Variants in GUCA1C observed in about 807,000 individuals in gnomAD.
GUCA1C encodes guanylyl cyclase-activating protein 3.
Under a neutral mutation model 16.2 loss-of-function variants are expected in GUCA1C, and 15 were observed. The ratio of observed to expected loss-of-function variants is 0.93; its 90% CI spans 0.62 to 1.43. The LOEUF is 1.43. Among genes scored for constraint, GUCA1C ranks in the 40% most tolerant of loss-of-function variants. The probability of loss-of-function intolerance (pLI) is 0.00; values close to 1 mark genes in which losing one functional copy is unlikely to be tolerated. For synonymous variants in GUCA1C, 78 were observed against 85.4 expected, an observed-to-expected ratio of 0.91 and a Z score of 0.48; for missense variants, 275 against 244.8, an observed-to-expected ratio of 1.12 and a Z score of -0.82.
chr3:108,935,193 G>C (rs1377866319), intron 1 of GUCA1C, among the ~76,000 whole-genome samples: 1 of 152,024 alleles, frequency 6.6e-6, no homozygotes, highest in Non-Finnish European at 1.5e-5. Flanking sequence ...GGGACTACTG[G>C]TTGGGGAAGG....
chr3:108,953,706 G>C lies in GUCA1C; in HGVS notation c.57C>G (p.Thr19=), dbSNP rs754801481. 3 of 1,611,690 alleles carry C rather than the reference G, an allele frequency of 1.9e-6. No homozygotes were observed. The East Asian group carries it at 6.7e-5, about 36-fold the overall frequency. Residue 19 remains threonine, a synonymous_variant, in exon 1 of 4, where the codon ACC becomes ACG. Coordinates refer to ENST00000261047, the MANE Select transcript of GUCA1C (RefSeq NM_005459.4). ...GDQKAVPTQE[T]HVWYRTFMME... is the part of the protein sequence containing the mutation. ...TCATAAATGTTCTGTACCACACATG[G>C]GTCTCTTGTGTAGGAACTGCTTTCT...
chr3:108,944,856 A>G (rs150651576), intron 1 of GUCA1C, among the ~76,000 whole-genome samples: 1 of 152,320 alleles, frequency 6.6e-6, no homozygotes, highest in East Asian at 1.9e-4. Context: ...CTTATTCTTC[A>G]TATTTCTGTA....
chr3:108,923,243 A>G (rs1227291238), intron 1 of GUCA1C, among the ~76,000 whole-genome samples: 1 of 152,146 alleles, frequency 6.6e-6, no homozygotes, highest in Non-Finnish European at 1.5e-5. Context: ...GTCTTTGCCT[A>G]AGCCAAGGTC....
chr3:108,953,743 A>G lies in GUCA1C; in HGVS notation c.20T>C (p.Ile7Thr), dbSNP rs1303636694. The G allele has an allele frequency of 1.9e-6, 3 of 1,612,392 alleles. No homozygotes were observed. Among genetic ancestry groups the G allele is most frequent in the Admixed American group, 1.7e-5 (1 of 59,994 alleles). The change falls in exon 1 of 4, where the codon ATA (isoleucine) becomes ACA (threonine). Residue 7 changes from isoleucine (I) to threonine (T), a missense_variant. Coordinates refer to ENST00000261047, the MANE Select transcript of GUCA1C (RefSeq NM_005459.4). ...AGGAACTGCTTTCTGATCACCAGCT[A>G]TAGATTTGCCATTCCCCATCTTGAC... is the stretch of plus-strand genomic sequence containing the variant. MGNGKS[I>T]AGDQKAVPTQ...
chr3:108,920,325 G>T, intron 2 of GUCA1C, 111 bp downstream of exon 2: 1 of 760,300 alleles, frequency 1.3e-6, no homozygotes. Context: ...AATTCAAAAT[G>T]TATATCGCCA....
intron 1 of GUCA1C, among the ~76,000 whole-genome samples, chr3:108,932,899 G>A (rs1427639441): frequency 1.6e-5 from 2 of 127,916 alleles, no homozygotes; most frequent in African/African-American, 3.0e-5. Flanking sequence ...TCCAGCCTGG[G>A]CCACAAGAAA....
At chr3:108,934,859 G>C (rs969356281) in intron 1 of GUCA1C, among the ~76,000 whole-genome samples, 2 of 120,948 alleles carry the variant, frequency 1.7e-5, no homozygotes, top group African/African-American at 6.4e-5. Context: ...TTTCACCCAG[G>C]CCTGAGTGCA....
chr3:108,908,208 C>G lies in GUCA1C; in HGVS notation c.444G>C (p.Gly148=). The change falls in exon 4 of 4, where the codon GGG becomes GGC. Residue 148 remains glycine, a splice_region_variant and synonymous_variant. Transcript: ENST00000261047. ...VFHKIDINND[G]ELTLEEFING... is the part of the protein sequence containing the mutation. ...TGATAAATTCTTCTAAAGTCAATTC[C>G]CCTGGAAAATAATAAACAGTTAATA... 1 of 1,606,248 alleles carries G rather than the reference C, an allele frequency of 6.2e-7. No homozygotes were observed. Among genetic ancestry groups the G allele is most frequent in the Non-Finnish European group, 8.5e-7 (1 of 1,173,192 alleles).
intron 1 of GUCA1C, among the ~76,000 whole-genome samples, chr3:108,936,426 T>C (rs890316704): frequency 1.3e-5 from 2 of 152,260 alleles, no homozygotes; most frequent in African/African-American, 2.4e-5. Context: ...AGCAATTTTG[T>C]AGGTCATCTT....
At chr3:108,947,531 CTATT>C (rs1946854261) in intron 1 of GUCA1C, among the ~76,000 whole-genome samples, 1 of 151,990 alleles carries the variant, frequency 6.6e-6, no homozygotes, top group Non-Finnish European at 1.5e-5. Flanking sequence ...TAAAGTTTGT[CTATT>C]TAAAGTTTAA....
intron 2 of GUCA1C, 50 bp downstream of exon 2, chr3:108,920,386 T>A: frequency 1.4e-6 from 2 of 1,417,084 alleles, no homozygotes; most frequent in Non-Finnish European, 2.0e-6. Flanking sequence ...GAAGGGAAAT[T>A]GGGTTAACTA....
At chr3:108,914,326 C>G (rs62266503) in intron 3 of GUCA1C, among the ~76,000 whole-genome samples, 15,387 of 152,144 alleles carry the variant, frequency 0.1, 815 homozygotes, top group Middle Eastern at 0.16. Context: ...CCCATTTTAT[C>G]GATTCCTTAT....
In GUCA1C at chr3:108,908,142, G is replaced by A. The variant is rs377468133; in HGVS notation, c.510C>T (p.Tyr170=). ...AKDQDLLEIV[Y]KSFDFSNVLR... ...GCACATTGGAGAAGTCGAAGCTCTT[G>A]TAAACAATCTCCAGGAGATCCTGAT... Residue 170 remains tyrosine (Y), a synonymous_variant, in exon 4 of 4, where the codon TAC becomes TAT. Transcript: ENST00000261047. The A allele has an allele frequency of 1.9e-6, 3 of 1,613,578 alleles. No individual in the cohort carries two copies. The African/African-American group carries it at 4.0e-5, about 22-fold the overall frequency.
intron 3 of GUCA1C, 111 bp from the exon 4 acceptor site, chr3:108,908,320 A>G (rs1000638923): frequency 4.0e-5 from 19 of 471,914 alleles, no homozygotes; most frequent in Middle Eastern, 5.5e-4. Context: ...TTTCCCCTCA[A>G]CCAGACTCTA....
intron 3 of GUCA1C, among the ~76,000 whole-genome samples, chr3:108,914,158 T>A (rs1946484406): frequency 6.6e-6 from 1 of 152,188 alleles, no homozygotes; most frequent in Non-Finnish European, 1.5e-5. Flanking sequence ...ATAATTCATC[T>A]CCTTTTTTCT....
At chr3:108,945,123 C>T (rs111643969) in intron 1 of GUCA1C, among the ~76,000 whole-genome samples, 6 of 152,318 alleles carry the variant, frequency 3.9e-5, no homozygotes, top group African/African-American at 1.2e-4. Flanking sequence ...AGTACTTTCC[C>T]GAGAATTGGG....
At chr3:108,926,712 C>T (rs1946626760) in intron 1 of GUCA1C, among the ~76,000 whole-genome samples, 1 of 151,412 alleles carries the variant, frequency 6.6e-6, no homozygotes, top group African/African-American at 2.4e-5. Context: ...GATCTCCTGA[C>T]CTCATGATCT....
chr3:108,940,792 T>A (rs769842738), intron 1 of GUCA1C, among the ~76,000 whole-genome samples: 8 of 152,252 alleles, frequency 5.3e-5, no homozygotes, highest in Non-Finnish European at 1.0e-4. Flanking sequence ...ATTTGTGGAC[T>A]GGATTGCACA....
intron 3 of GUCA1C, among the ~76,000 whole-genome samples, chr3:108,908,639 C>A (rs1946415866): frequency 6.6e-6 from 1 of 152,218 alleles, no homozygotes; most frequent in Non-Finnish European, 1.5e-5. Flanking sequence ...ATTCTTGGGA[C>A]TGTCTAAAGC....
Sources: gnomAD v4.1 joint callset for allele counts (sites outside exome capture counted in the v4.1 genomes callset) on GRCh38, gnomAD v4.1.1 for gene constraint, MANE v1.5 for transcripts, NCBI Gene and HGNC (gene_info 2026-07-23, HGNC 2026-07-21) for gene names.